KCNH8: variants seen among roughly 807,000 people sequenced by gnomAD.
The protein encoded by KCNH8 is voltage-gated delayed rectifier potassium channel KCNH8.
KCNH8 carries 70 observed loss-of-function variants against 103.6 expected under a neutral mutation model. The observed-to-expected ratio is 0.68, with a 90% confidence interval of 0.56 to 0.82. The LOEUF is 0.82. Ranked by LOEUF, KCNH8 falls within the 40% of genes least tolerant of loss-of-function variation. The pLI is 0.00. For synonymous variants in KCNH8, 498 were observed against 489.4 expected (o/e 1.02, Z -0.23); for missense variants, 1,217 against 1,329.9 (o/e 0.92, Z 1.32).
intron 5 of KCNH8, among the ~76,000 whole-genome samples, chr3:19,384,365 A>T (rs1298448007): frequency 3.9e-5 from 6 of 152,216 alleles, no homozygotes; most frequent in South Asian, 2.1e-4. Context: ...AAAGAACACA[A>T]GTCCTCAATA....
chr3:19,312,885 T>C (rs889283349), intron 3 of KCNH8, among the ~76,000 whole-genome samples: 4 of 152,002 alleles, frequency 2.6e-5, no homozygotes, highest in African/African-American at 9.6e-5. Flanking sequence ...AATTTGAGAG[T>C]ACCTTGTGTA....
chr3:19,529,486 C>A (rs2069124059), intron 15 of KCNH8, among the ~76,000 whole-genome samples: 2 of 152,128 alleles, frequency 1.3e-5, no homozygotes, highest in South Asian at 4.1e-4. Context: ...AAATGCATGT[C>A]TTCTTACCAT....
intron 1 of KCNH8, among the ~76,000 whole-genome samples, chr3:19,170,721 CATATATACACACACAT>C (rs1157002451): frequency 1.7e-4 from 19 of 113,566 alleles, no homozygotes; most frequent in Middle Eastern, 4.5e-3. Flanking sequence ...TATACACACA[CATATATACACACACAT>C]ATATATACAC....
chr3:19,230,941 T>C (rs1490433784), intron 1 of KCNH8, among the ~76,000 whole-genome samples: 1 of 152,188 alleles, frequency 6.6e-6, no homozygotes. Context: ...TTAAGAAAGA[T>C]GTAAAATGCG....
intron 3 of KCNH8, among the ~76,000 whole-genome samples, chr3:19,327,133 A>G (rs192716811): frequency 1.3e-5 from 2 of 152,224 alleles, no homozygotes; most frequent in Non-Finnish European, 2.9e-5. Context: ...GCGTAAGTCC[A>G]GAAGTCACAC....
intron 7 of KCNH8, among the ~76,000 whole-genome samples, chr3:19,427,312 CCTT>C (rs1311543385): frequency 1.3e-5 from 2 of 152,140 alleles, no homozygotes; most frequent in African/African-American, 2.4e-5. Context: ...CACTTTTTGT[CCTT>C]CTTTCCACTG....
At chr3:19,176,039 A>G (rs1282588028) in intron 1 of KCNH8, among the ~76,000 whole-genome samples, 2 of 152,186 alleles carry the variant, frequency 1.3e-5, no homozygotes, top group East Asian at 3.8e-4. Flanking sequence ...AAAAATTCAA[A>G]TTATGATGCC....
chr3:19,532,083 C>T lies in KCNH8; in HGVS notation c.2620-1312C>T, dbSNP rs532651479. 3.2e-4 allele frequency among the ~76,000 whole-genome samples: 49 copies of T among 152,176 alleles called. 1 individual carries two copies. In the South Asian group the frequency reaches 5.2e-3, roughly 16 times the overall value. The stretch of plus-strand genomic sequence containing the variant: ...GAATACAAATCTTTTAGAAAAGCTA[C>T]GTTTAAGTGAAATTCAATTTTCTGG... On this transcript the variant is annotated intron_variant, in intron 15 of 15. Coordinates refer to ENST00000328405, the MANE Select transcript of KCNH8 (RefSeq NM_144633.3).
intron 11 of KCNH8, among the ~76,000 whole-genome samples, chr3:19,460,529 G>A (rs546883569): frequency 7.2e-4 from 109 of 152,178 alleles, no homozygotes; most frequent in Non-Finnish European, 1.4e-3. Context: ...TCCTTAGTTG[G>A]TAAGGATGGT....
intron 5 of KCNH8, among the ~76,000 whole-genome samples, chr3:19,384,182 G>A (rs1194821263): frequency 1.3e-5 from 2 of 152,196 alleles, no homozygotes; most frequent in Non-Finnish European, 2.9e-5. Flanking sequence ...CACTGGTAGT[G>A]TGCACTGTCT....
chr3:19,303,734 C>A (rs2065093728), intron 3 of KCNH8, among the ~76,000 whole-genome samples: 1 of 152,042 alleles, frequency 6.6e-6, no homozygotes, highest in Non-Finnish European at 1.5e-5. Context: ...GCCTCCCTGC[C>A]AGGATGACCT....
At position 19,479,981 on chromosome 3, in the gene KCNH8, T is replaced by TACACGTCTCA. The variant is rs570634901; in HGVS notation, c.2040+23000_2040+23009dup. The stretch of plus-strand genomic sequence containing the variant: ...TCAGTCAGAAAGAAGAGTCTTATAA[T>TACACGTCTCA]ACACGTCTCACTTCCCAATTGAGCA... On this transcript the variant is annotated intron_variant, in intron 11 of 15. Coordinates refer to ENST00000328405, the MANE Select transcript of KCNH8 (RefSeq NM_144633.3). 4.4e-3 allele frequency among the ~76,000 whole-genome samples: 672 copies of TACACGTCTCA among 152,362 alleles called. 4 individuals carry two copies. The highest frequency in any genetic ancestry group is 0.019 in the South Asian group (94 of 4,834).
Position 19,473,943 on chromosome 3 carries a change from G to T in KCNH8, c.2040+16961G>T, listed in dbSNP as rs191952778. Among the ~76,000 whole-genome samples, 268 of 152,268 alleles carry T rather than the reference G, an allele frequency of 1.8e-3. 3 individuals carry two copies. Among genetic ancestry groups the T allele is most frequent in the Non-Finnish European group, 8.1e-4 (55 of 68,022 alleles). ...TAATTCTATTATGCTTTCTGTCCAA[G>T]AATTATGCTTTTTGTCCAGGATTTT... On this transcript the variant is annotated intron_variant, in intron 11 of 15. Coordinates refer to ENST00000328405, the MANE Select transcript of KCNH8 (RefSeq NM_144633.3).
chr3:19,302,797 A>G (rs924866999), intron 3 of KCNH8, among the ~76,000 whole-genome samples: 7 of 152,178 alleles, frequency 4.6e-5, no homozygotes, highest in African/African-American at 1.2e-4. Flanking sequence ...TGAGTCTAGA[A>G]CAGTACATGC....
At position 19,161,965 on chromosome 3, in the gene KCNH8, T is replaced by TA. The variant is rs529018148; in HGVS notation, c.76+13172dup. ...ATGATACTACGTGGTTTCTTTTTTT[T>TA]AATGCCTGTTGTCAGAGTTTTGAAA... On this transcript the variant is annotated intron_variant, in intron 1 of 15. Transcript: ENST00000328405. 4.5e-4 allele frequency among the ~76,000 whole-genome samples: 68 copies of TA among 152,316 alleles called. 1 individual carries two copies. The South Asian group carries it at 0.013, about 30-fold the overall frequency.
At chr3:19,205,366 AGAAAATATCCT>A (rs2063704422) in intron 1 of KCNH8, among the ~76,000 whole-genome samples, 1 of 152,096 alleles carries the variant, frequency 6.6e-6, no homozygotes, top group Non-Finnish European at 1.5e-5. Flanking sequence ...CTGAGAATTT[AGAAAATATCCT>A]AGAGTTACTC....
chr3:19,353,253 A>G (rs138532815), intron 5 of KCNH8, among the ~76,000 whole-genome samples: 109 of 152,298 alleles, frequency 7.2e-4, no homozygotes, highest in African/African-American at 2.5e-3. Flanking sequence ...TAGCCTATCA[A>G]CCAAAAAAAG....
intron 3 of KCNH8, among the ~76,000 whole-genome samples, chr3:19,319,571 T>A (rs1394919714): frequency 6.6e-6 from 1 of 152,072 alleles, no homozygotes; most frequent in Non-Finnish European, 1.5e-5. Context: ...ACTGTGGCCT[T>A]ATAGTGTAGT....
intron 3 of KCNH8, among the ~76,000 whole-genome samples, chr3:19,337,902 G>A (rs1032652505): frequency 1.3e-5 from 2 of 151,562 alleles, no homozygotes; most frequent in Admixed American, 6.6e-5. Context: ...CTCCAGCACC[G>A]TAGCTTGCTA....
Sources: gnomAD v4.1 joint callset for allele counts (sites outside exome capture counted in the v4.1 genomes callset) on GRCh38, gnomAD v4.1.1 for gene constraint, MANE v1.5 for transcripts, NCBI Gene and HGNC (gene_info 2026-07-23, HGNC 2026-07-21) for gene names.